FBXO25: variants seen among roughly 807,000 people sequenced by gnomAD.
FBXO25 encodes F-box protein 25, also known as F-box only protein 25.
Under a neutral mutation model 51.9 loss-of-function variants are expected in FBXO25, and 45 were observed. The ratio of observed to expected loss-of-function variants is 0.87; its 90% CI spans 0.68 to 1.11. The LOEUF is 1.11. Ranked by LOEUF, FBXO25 falls within the 50% of genes most tolerant of loss-of-function variation. The pLI is 0.00. For synonymous variants in FBXO25, 199 were observed against 151.0 expected, an observed-to-expected ratio of 1.32 and a Z score of -2.33; for missense variants, 507 against 428.5, an observed-to-expected ratio of 1.18 and a Z score of -1.62.
chr8:461,703 C>T (rs1585100427), intron 8 of FBXO25, among the ~76,000 whole-genome samples: 1 of 152,176 alleles, frequency 6.6e-6, no homozygotes, highest in East Asian at 1.9e-4. Context: ...CCCTAATCGA[C>T]TTTCTGTCTC....
intron 5 of FBXO25, among the ~76,000 whole-genome samples, chr8:444,351 G>C (rs563263136): frequency 6.6e-6 from 1 of 152,296 alleles, no homozygotes; most frequent in Admixed American, 6.5e-5. Context: ...CACACATGCA[G>C]TGCCAATTTA....
rs991063284 is a variant in FBXO25 at position 470,719 on chromosome 8, T to C, written c.*1915T>C. The C allele has an allele frequency of 6.6e-6, 1 of 152,228 alleles. No individual in the cohort carries two copies. Among genetic ancestry groups the C allele is most frequent in the Non-Finnish European group, 1.5e-5 (1 of 68,044 alleles). 9.4% of individuals were successfully genotyped at this position (152,228 alleles called of 1,614,324 possible). ...GTTCTAATCTAGGAAAGGGAGTAAG[T>C]ACATTGAGTTTCCATTATCCCTGAA... On this transcript the variant is annotated 3_prime_UTR_variant, in exon 10 of 10. Transcript: ENST00000350302.
intron 7 of FBXO25, among the ~76,000 whole-genome samples, chr8:452,681 G>T (rs1799171400): frequency 6.6e-6 from 1 of 152,260 alleles, no homozygotes; most frequent in African/African-American, 2.4e-5. Flanking sequence ...AGACCAGGAA[G>T]CAGCCTTTCT....
chr8:458,237 C>A, intron 7 of FBXO25, 132 bp from the exon 8 acceptor site: 2 of 1,012,938 alleles, frequency 2.0e-6, no homozygotes, highest in Non-Finnish European at 2.9e-6. Flanking sequence ...TGACACCTTG[C>A]GACGCATGAC....
chr8:451,266 C>T lies in FBXO25; in HGVS notation c.476-3C>T, dbSNP rs777180855. Reference sequence around the variant, plus strand: ...TCCATAGTTTTATTTTTATTTATTCCAGTTCTTGATGACCACCACAATCCT... The same window carrying T: ...TCCATAGTTTTATTTTTATTTATTCTAGTTCTTGATGACCACCACAATCCT... On this transcript the variant is annotated splice_polypyrimidine_tract_variant and splice_region_variant and intron_variant, in intron 6 of 9. Coordinates refer to ENST00000350302, the MANE Select transcript of FBXO25 (RefSeq NM_183420.2). 5.1e-6 allele frequency: 8 copies of T among 1,583,420 alleles called. No homozygotes were observed. In the Admixed American group the frequency reaches 7.8e-5, roughly 15 times the overall value.
At chr8:439,676 T>G (rs914865334) in intron 5 of FBXO25, among the ~76,000 whole-genome samples, 9 of 152,230 alleles carry the variant, frequency 5.9e-5, no homozygotes, top group Non-Finnish European at 1.2e-4. Flanking sequence ...GGCATTGCTC[T>G]GCCCCTCCAA....
intron 7 of FBXO25, among the ~76,000 whole-genome samples, chr8:456,112 A>T (rs1799410773): frequency 6.6e-6 from 1 of 152,242 alleles, no homozygotes; most frequent in Admixed American, 6.5e-5. Flanking sequence ...AATTTTTCTC[A>T]GTAGGAATTA....
In FBXO25 at chr8:468,811, C is replaced by T. The variant is rs1563103824; in HGVS notation, c.*7C>T. ...CGACCTCTTCAAGTTTTAAGGGCTG[C>T]CCCTGCCATCCCTATTGGAGATTGT... On this transcript the variant is annotated 3_prime_UTR_variant, in exon 10 of 10. Transcript: ENST00000350302. The T allele has an allele frequency of 4.3e-6, 7 of 1,612,726 alleles. No homozygotes were observed. The highest frequency in any genetic ancestry group is 5.9e-6 in the Non-Finnish European group (7 of 1,179,174).
chr8:444,454 C>T (rs551688147), intron 5 of FBXO25, among the ~76,000 whole-genome samples: 1 of 152,274 alleles, frequency 6.6e-6, no homozygotes, highest in African/African-American at 2.4e-5. Flanking sequence ...TATTATATTA[C>T]CACCAGAGAG....
chr8:457,147 C>T (rs1799493083), intron 7 of FBXO25, among the ~76,000 whole-genome samples: 1 of 152,230 alleles, frequency 6.6e-6, no homozygotes, highest in Non-Finnish European at 1.5e-5. Flanking sequence ...CGCAGGTGAG[C>T]ACACGACAGA....
chr8:432,644 T>C lies in FBXO25; in HGVS notation c.239-242T>C, dbSNP rs1585039051. Among the ~76,000 whole-genome samples the C allele has an allele frequency of 2.0e-5, 3 of 152,326 alleles. No individual in the cohort carries two copies. In the South Asian group the frequency reaches 6.2e-4, roughly 32 times the overall value. On this transcript the variant is annotated intron_variant, in intron 3 of 9. Coordinates refer to ENST00000350302, the MANE Select transcript of FBXO25 (RefSeq NM_183420.2). The stretch of plus-strand genomic sequence containing the variant: ...TTATGTCTTCATATGGCTTCAGTCA[T>C]TAATAATACTAATTTTCTTCTAAGT...
At chr8:408,672 AT>A (rs768652450) in intron 1 of FBXO25, among the ~76,000 whole-genome samples, 364 of 151,774 alleles carry the variant, frequency 2.4e-3, no homozygotes, top group Non-Finnish European at 4.1e-3. Flanking sequence ...AAGGAAAGAC[AT>A]TTTTTTTTGT....
At chr8:458,699 G>A in intron 8 of FBXO25, 148 bp downstream of exon 8, 2 of 741,292 alleles carry the variant, frequency 2.7e-6, no homozygotes, top group Non-Finnish European at 4.3e-6. Flanking sequence ...TATTGAGATT[G>A]CTGTGGGTTC....
chr8:451,439 C>A lies in FBXO25; in HGVS notation c.646C>A (p.Leu216Ile), dbSNP rs150976957. The change falls in exon 7 of 10, where the codon CTT becomes ATT. Residue 216 changes from leucine to isoleucine, a missense_variant. Coordinates refer to ENST00000350302, the MANE Select transcript of FBXO25 (RefSeq NM_183420.2). ...CGCCTGGCAACAACAGCTACAGGAT[C>A]TTCAGATGACTAAGGTATAAATATC... is the stretch of plus-strand genomic sequence containing the variant. ...ILAWQQQLQDLQMTKQVNNGL... is the reference protein window; with the variant it reads ...ILAWQQQLQDIQMTKQVNNGL... The A allele has an allele frequency of 4.3e-6, 7 of 1,613,450 alleles. No individual in the cohort carries two copies. The African/African-American group carries it at 9.3e-5, about 22-fold the overall frequency.
intron 2 of FBXO25, among the ~76,000 whole-genome samples, chr8:427,175 G>A (rs1338507539): frequency 6.6e-6 from 1 of 151,982 alleles, no homozygotes; most frequent in African/African-American, 2.4e-5. Flanking sequence ...CAACAACTGG[G>A]GATTGTTAGA....
At chr8:446,734 A>C (rs1798760231) in intron 5 of FBXO25, among the ~76,000 whole-genome samples, 1 of 152,234 alleles carries the variant, frequency 6.6e-6, no homozygotes. Context: ...ATCTCTGGCC[A>C]GTGCCCTCAA....
At chr8:458,334 C>T (rs1159110898) in intron 7 of FBXO25, 35 bp from the exon 8 acceptor site, 1 of 1,600,002 alleles carries the variant, frequency 6.2e-7, no homozygotes, top group African/African-American at 1.3e-5. Context: ...CATTGGCCAT[C>T]TTCTCAGTGA....
chr8:459,207 G>A (rs1007788553), intron 8 of FBXO25, among the ~76,000 whole-genome samples: 1 of 152,262 alleles, frequency 6.6e-6, no homozygotes, highest in African/African-American at 2.4e-5. Context: ...CGCAGCCAGA[G>A]AAGGCAGGTG....
chr8:447,143 A>T (rs915056051), intron 5 of FBXO25, among the ~76,000 whole-genome samples: 2 of 152,150 alleles, frequency 1.3e-5, no homozygotes, highest in Non-Finnish European at 2.9e-5. Context: ...CAGATGTTCA[A>T]CTCCAGCTTG....
Sources: gnomAD v4.1 joint callset for allele counts (sites outside exome capture counted in the v4.1 genomes callset) on GRCh38, gnomAD v4.1.1 for gene constraint, MANE v1.5 for transcripts, NCBI Gene and HGNC (gene_info 2026-07-23, HGNC 2026-07-21) for gene names.